The following TCF4 variants were observed in gnomAD, a reference collection of about 807,000 sequenced individuals.
TCF4 encodes SL3-3 enhancer factor 2.
In TCF4, 3 loss-of-function variants were observed where a neutral mutation model predicts 82.1. The ratio of observed to expected loss-of-function variants is 0.04; its 90% confidence interval spans 0.02 to 0.09. The LOEUF (loss-of-function observed/expected upper bound fraction) is 0.09, where lower values mean the gene tolerates loss of function less well. Ranked by LOEUF, TCF4 falls within the 10% of genes least tolerant of loss-of-function variation. TCF4 has a pLI of 1.00. For missense variants in TCF4, 518 were observed against 852.7 expected (o/e 0.61, Z 4.89); for synonymous variants, 276 against 309.6 (o/e 0.89, Z 1.14).
intron 2 of TCF4, among the ~76,000 whole-genome samples, chr18:55,618,257 T>C (rs1432524797): frequency 6.6e-6 from 1 of 152,220 alleles, no homozygotes; most frequent in Non-Finnish European, 1.5e-5. Flanking sequence ...GTGTGATCTA[T>C]CACATTAATT....
chr18:55,626,038 T>C (rs576851621), intron 2 of TCF4, among the ~76,000 whole-genome samples: 6 of 152,346 alleles, frequency 3.9e-5, no homozygotes, highest in Non-Finnish European at 8.8e-5. Context: ...AGTGGAACTA[T>C]TTCTATTTGA....
chr18:55,402,004 G>A, intron 6 of TCF4: 2 of 978,366 alleles, frequency 2.0e-6, no homozygotes, highest in Non-Finnish European at 2.4e-6. Flanking sequence ...CAGAGACACA[G>A]CACTCAGAGG....
chr18:55,252,258 T>C (rs950352695), intron 15 of TCF4, among the ~76,000 whole-genome samples: 1 of 152,056 alleles, frequency 6.6e-6, no homozygotes, highest in Non-Finnish European at 1.5e-5. Context: ...TACGCTATGA[T>C]CTGCTTGGCT....
intron 8 of TCF4, among the ~76,000 whole-genome samples, chr18:55,319,679 CAA>C (rs556811648): frequency 4.5e-5 from 6 of 134,478 alleles, no homozygotes; most frequent in Admixed American, 1.5e-4. Context: ...ACCATCCTCT[CAA>C]AAAAAAAAAA....
intron 3 of TCF4, among the ~76,000 whole-genome samples, chr18:55,568,850 T>G (rs112030261): frequency 6.6e-6 from 1 of 152,290 alleles, no homozygotes; most frequent in African/African-American, 2.4e-5. Context: ...AGAAAATATT[T>G]GAAATTGAGT....
intron 3 of TCF4, among the ~76,000 whole-genome samples, chr18:55,567,477 C>CA (rs1350862264): frequency 3.0e-4 from 46 of 152,252 alleles, no homozygotes; most frequent in African/African-American, 9.9e-4. Context: ...ACACAATCAA[C>CA]AGAGGTGGGT....
At chr18:55,369,979 G>A (rs181190376) in intron 6 of TCF4, among the ~76,000 whole-genome samples, 1 of 152,272 alleles carries the variant, frequency 6.6e-6, no homozygotes, top group East Asian at 1.9e-4. Flanking sequence ...AGCTGCCACT[G>A]CCTCCAACAC....
At chr18:55,588,575 C>A, upstream of TCF4, 1 of 1,523,574 alleles carries the variant, frequency 6.6e-7, no homozygotes, top group Non-Finnish European at 8.8e-7. Flanking sequence ...GTTTACATCC[C>A]CTCACTTCTT....
chr18:55,390,307 A>G (rs78439210), intron 6 of TCF4, among the ~76,000 whole-genome samples: 100 of 140,800 alleles, frequency 7.1e-4, no homozygotes, highest in African/African-American at 2.1e-3. Flanking sequence ...AAAAAAAAAA[A>G]AAAGAAAGAA....
intron 5 of TCF4, among the ~76,000 whole-genome samples, chr18:55,409,420 G>T (rs1250249370): frequency 6.6e-6 from 1 of 151,900 alleles, no homozygotes. Flanking sequence ...GTTACCCAAG[G>T]TGCTCTCTAA....
At chr18:55,427,029 A>G (rs1419853933) in intron 5 of TCF4, among the ~76,000 whole-genome samples, 1 of 152,174 alleles carries the variant, frequency 6.6e-6, no homozygotes, top group Non-Finnish European at 1.5e-5. Context: ...ATAAAACACT[A>G]TTTTGCATGA....
intron 5 of TCF4, among the ~76,000 whole-genome samples, chr18:55,418,000 C>A (rs1300514626): frequency 5.5e-5 from 7 of 128,118 alleles, no homozygotes; most frequent in Non-Finnish European, 3.2e-5. Flanking sequence ...TTTTCTTGAG[C>A]AAATGTGTGT....
intron 8 of TCF4, among the ~76,000 whole-genome samples, chr18:55,322,599 G>A (rs1476166097): frequency 6.6e-6 from 1 of 152,152 alleles, no homozygotes; most frequent in Non-Finnish European, 1.5e-5. Context: ...CCCCGGAGCT[G>A]GTGGGAAGCG....
chr18:55,371,798 T>C (rs747078111), intron 6 of TCF4, among the ~76,000 whole-genome samples: 103 of 152,174 alleles, frequency 6.8e-4, no homozygotes, highest in Non-Finnish European at 1.2e-3. Context: ...GAAATTATTG[T>C]CACAAGTCTC....
chr18:55,536,311 A>G (rs1368214484), intron 3 of TCF4, among the ~76,000 whole-genome samples: 1 of 152,226 alleles, frequency 6.6e-6, no homozygotes, highest in Non-Finnish European at 1.5e-5. Flanking sequence ...AATTCCTCCA[A>G]TAGTCAAACG....
chr18:55,288,654 A>C (rs574659621), intron 8 of TCF4, among the ~76,000 whole-genome samples: 1 of 152,330 alleles, frequency 6.6e-6, no homozygotes, highest in African/African-American at 2.4e-5. Context: ...CGTAGAGAAG[A>C]ACACAAGATC....
chr18:55,621,628 TATATATATTATATA>T (rs1465291975), intron 2 of TCF4, among the ~76,000 whole-genome samples: 1 of 75,952 alleles, frequency 1.3e-5, no homozygotes, highest in Non-Finnish European at 2.4e-5. Flanking sequence ...TTATATATAA[TATATATATTATATA>T]ATATACATTA....
intron 9 of TCF4, among the ~76,000 whole-genome samples, chr18:55,277,226 A>G (rs1016218287): frequency 6.6e-6 from 1 of 152,192 alleles, no homozygotes; most frequent in African/African-American, 2.4e-5. Context: ...GATTTTTTTT[A>G]AAGTTATCAT....
chr18:55,492,982 T>C (rs1177705016), intron 3 of TCF4, among the ~76,000 whole-genome samples: 1 of 152,130 alleles, frequency 6.6e-6, no homozygotes, highest in Non-Finnish European at 1.5e-5. Flanking sequence ...TCTTGGAGAA[T>C]GGACAAAAGC....
Sources: gnomAD v4.1 joint callset for allele counts (sites outside exome capture counted in the v4.1 genomes callset) on GRCh38, gnomAD v4.1.1 for gene constraint, MANE v1.5 for transcripts, NCBI Gene and HGNC (gene_info 2026-07-23, HGNC 2026-07-21) for gene names.